The following ACVR1 variants were observed in gnomAD, a reference collection of about 807,000 sequenced individuals.
ACVR1 encodes activin A receptor type 1.
A neutral mutation model predicts 57.1 loss-of-function variants in ACVR1; 38 were observed. The observed-to-expected ratio is 0.67, with a 90% CI of 0.51 to 0.87. The LOEUF is 0.87. Ranked by LOEUF, ACVR1 falls within the 40% of genes least tolerant of loss-of-function variation. The probability of loss-of-function intolerance (pLI) is 0.00; values close to 1 mark genes in which losing one functional copy is unlikely to be tolerated. For synonymous variants in ACVR1, 212 were observed against 228.1 expected (o/e 0.93, Z 0.63); for missense variants, 463 against 638.2 (o/e 0.73, Z 2.96).
chr2:157,780,645 T>G (rs1686479882), intron 3 of ACVR1, 45 bp from the exon 4 acceptor site: 2 of 1,596,686 alleles, frequency 1.3e-6, no homozygotes, highest in African/African-American at 2.7e-5. Context: ...AAAAGAGGAA[T>G]TACCGTATGA....
chr2:157,750,246 G>A (rs1366133258), intron 9 of ACVR1, among the ~76,000 whole-genome samples: 2 of 152,180 alleles, frequency 1.3e-5, no homozygotes, highest in African/African-American at 2.4e-5. Context: ...GCCTGATGAT[G>A]AGCCTGTCTA....
chr2:157,773,906 G>C (rs1686167884), intron 6 of ACVR1, among the ~76,000 whole-genome samples, 182 bp downstream of exon 6: 1 of 152,150 alleles, frequency 6.6e-6, no homozygotes, highest in African/African-American at 2.4e-5. Context: ...GGACTCCTTT[G>C]ATAAGAGCTT....
chr2:157,841,280 G>T (rs890447895), intron 1 of ACVR1, among the ~76,000 whole-genome samples: 1 of 152,098 alleles, frequency 6.6e-6, no homozygotes, highest in African/African-American at 2.4e-5. Flanking sequence ...AGGAAAATAA[G>T]ACCCACTCAC....
intron 1 of ACVR1, among the ~76,000 whole-genome samples, chr2:157,871,037 G>A (rs1051720225): frequency 3.3e-5 from 5 of 152,184 alleles, no homozygotes; most frequent in African/African-American, 9.7e-5. Context: ...GTCTAGGCCA[G>A]GCATTGTGTT....
intron 1 of ACVR1, among the ~76,000 whole-genome samples, chr2:157,833,623 A>AG (rs1157306095): frequency 6.6e-6 from 1 of 152,242 alleles, no homozygotes; most frequent in Non-Finnish European, 1.5e-5. Context: ...GTCAACAATT[A>AG]CAAGAAAAAT....
At chr2:157,745,601 G>A (rs1302796800) in intron 9 of ACVR1, among the ~76,000 whole-genome samples, 1 of 151,996 alleles carries the variant, frequency 6.6e-6, no homozygotes. Flanking sequence ...GAAGTCAGGG[G>A]GAAAATAATT....
At chr2:157,821,229 A>G (rs1401539526) in intron 1 of ACVR1, among the ~76,000 whole-genome samples, 3 of 152,224 alleles carry the variant, frequency 2.0e-5, no homozygotes, top group African/African-American at 7.2e-5. Flanking sequence ...CACACTAATT[A>G]AAATCAGTGC....
rs142331355 is a variant in ACVR1 at position 157,852,388 on chromosome 2, T to C, written c.-183+23408A>G. On this transcript the variant is annotated intron_variant, in intron 1 of 10. Coordinates refer to ENST00000434821, the MANE Select transcript of ACVR1 (RefSeq NM_001111067.4). ...TGGTGCATGGCTGTGGTCCCAGCTATAGGGAGGCTGATGTGGGAGAACTGC... is the reference window on the plus strand; with the variant it reads ...TGGTGCATGGCTGTGGTCCCAGCTACAGGGAGGCTGATGTGGGAGAACTGC... Among the ~76,000 whole-genome samples the C allele has an allele frequency of 4.1e-3, 612 of 150,464 alleles. 5 individuals are homozygous for C. The highest frequency in any genetic ancestry group is 0.014 in the African/African-American group (581 of 40,904).
chr2:157,856,950 G>A (rs914687491), intron 1 of ACVR1, among the ~76,000 whole-genome samples: 2 of 152,144 alleles, frequency 1.3e-5, no homozygotes, highest in Non-Finnish European at 2.9e-5. Context: ...TGTAATCCCA[G>A]CATTTTGGGA....
Position 157,876,207 on chromosome 2 carries a change from G to T in ACVR1, c.-594C>A, listed in dbSNP as rs1490821562. On this transcript the variant is annotated 5_prime_UTR_variant, in exon 1 of 11. Coordinates refer to ENST00000434821, the MANE Select transcript of ACVR1 (RefSeq NM_001111067.4). The stretch of plus-strand genomic sequence containing the variant: ...AGGCTCGGGCTGGGAGCACGACCGC[G>T]GGCGGGGCGGGCGGACCAGCTGGGC... 6.6e-6 allele frequency among the ~76,000 whole-genome samples: 1 copy of T among 150,684 alleles called. No individual in the cohort carries two copies. Among genetic ancestry groups the T allele is most frequent in the Non-Finnish European group, 1.5e-5 (1 of 67,342 alleles).
chr2:157,769,313 C>T (rs895186475), intron 7 of ACVR1, among the ~76,000 whole-genome samples: 4 of 152,134 alleles, frequency 2.6e-5, no homozygotes, highest in African/African-American at 9.7e-5. Context: ...AGACACTGAA[C>T]AGAATGATCT....
chr2:157,740,176 T>C lies in ACVR1; in HGVS notation c.1265-1606A>G, dbSNP rs180681025. On this transcript the variant is annotated intron_variant, in intron 9 of 10. Coordinates refer to ENST00000434821, the MANE Select transcript of ACVR1 (RefSeq NM_001111067.4). ...CTCCAGCCTGGGTGACAGAGTGAGA[T>C]TCTGTCTCAAAAAAAAAAAAAAACT... Among the ~76,000 whole-genome samples the C allele has an allele frequency of 8.6e-3, 1,198 of 138,664 alleles. 11 individuals are homozygous for C. Among genetic ancestry groups the C allele is most frequent in the Admixed American group, 0.018 (259 of 14,508 alleles). The allele number at this position is 138,664 out of a possible 152,430, so 91.0% of individuals were successfully genotyped here.
intron 3 of ACVR1, among the ~76,000 whole-genome samples, 193 bp downstream of exon 3, chr2:157,799,234 T>A (rs561455882): frequency 3.3e-5 from 5 of 152,132 alleles, no homozygotes; most frequent in Non-Finnish European, 5.9e-5. Context: ...TTGAATTTTT[T>A]AAAAAAATAG....
In ACVR1 at chr2:157,737,657, G is replaced by A; in HGVS notation, c.1404C>T (p.Thr468=). ...ATTCTTTCATTAGCTTGGCCAGAGA[G>A]GTTAATGTCTGAGGAGAGAAAGAAC... is the stretch of plus-strand genomic sequence containing the variant. The part of the protein sequence containing the change: ...PNRWFSDPTL[T]SLAKLMKECW... The change falls in exon 11 of 11, where the codon ACC becomes ACT. Residue 468 remains threonine (T), a synonymous_variant. Coordinates refer to ENST00000434821, the MANE Select transcript of ACVR1 (RefSeq NM_001111067.4). 1 of 1,614,078 alleles carries A rather than the reference G, an allele frequency of 6.2e-7. No homozygotes were observed.
intron 9 of ACVR1, among the ~76,000 whole-genome samples, chr2:157,749,610 G>A (rs1685102975): frequency 6.6e-6 from 1 of 152,306 alleles, no homozygotes; most frequent in South Asian, 2.1e-4. Flanking sequence ...AAAAAGGAAG[G>A]AGGGTGGGAA....
chr2:157,805,258 G>C (rs1401400880), intron 2 of ACVR1, among the ~76,000 whole-genome samples: 1 of 152,116 alleles, frequency 6.6e-6, no homozygotes, highest in Admixed American at 6.5e-5. Flanking sequence ...TTGCCTGATG[G>C]CCTAAACTCA....
rs546234496 is a variant in ACVR1, at chr2:157,736,583, C to G, written c.*948G>C. The G allele has an allele frequency of 3.4e-6, 1 of 297,090 alleles. No homozygotes were observed. The highest frequency in any genetic ancestry group is 4.7e-5 in the East Asian group (1 of 21,378). The allele number at this position is 297,090 out of a possible 1,614,324, so 18.4% of individuals were successfully genotyped here. On this transcript the variant is annotated 3_prime_UTR_variant, in exon 11 of 11. Transcript: ENST00000434821. ...AATTCTGAAGAAAATGCATTTTCCC[C>G]GTAGCGTTCAGGACTAAAATTCTAC...
Position 157,780,327 on chromosome 2 carries a change from C to T in ACVR1, c.331+10G>A, listed in dbSNP as rs753584477. On this transcript the variant is annotated intron_variant, in intron 4 of 10. Coordinates refer to ENST00000434821, the MANE Select transcript of ACVR1 (RefSeq NM_001111067.4). ...CCCCTTGATCTAGAAATAGAAAAGT[C>T]CATGGGAACCTTTAGTGGGCAGCTG... 3.0e-5 allele frequency: 48 copies of T among 1,614,030 alleles called. No homozygotes were observed. The highest frequency in any genetic ancestry group is 4.0e-5 in the Non-Finnish European group (47 of 1,180,022).
intron 2 of ACVR1, among the ~76,000 whole-genome samples, chr2:157,807,500 T>C (rs981955812): frequency 6.6e-6 from 1 of 152,092 alleles, no homozygotes; most frequent in Non-Finnish European, 1.5e-5. Context: ...GCTATTTTGC[T>C]ACATTCTCCA....
Sources: gnomAD v4.1 joint callset for allele counts (sites outside exome capture counted in the v4.1 genomes callset) on GRCh38, gnomAD v4.1.1 for gene constraint, MANE v1.5 for transcripts, NCBI Gene and HGNC (gene_info 2026-07-23, HGNC 2026-07-21) for gene names.